The following ATXN7L1 variants were observed in gnomAD, a reference collection of about 807,000 sequenced individuals.
ATXN7L1 encodes the protein ataxin 7 like 1.
In ATXN7L1, 15 loss-of-function variants were observed where a neutral mutation model predicts 70.8. That is an observed-to-expected ratio of 0.21 (90% CI 0.14 to 0.33). The LOEUF (loss-of-function observed/expected upper bound fraction) is 0.33. Among genes scored for constraint, ATXN7L1 ranks in the 10% least tolerant of loss-of-function variants. The pLI, the probability that ATXN7L1 is intolerant of heterozygous loss-of-function variation, is 1.00. For synonymous variants in ATXN7L1, 440 were observed against 445.1 expected (o/e 0.99, Z 0.14); for missense variants, 975 against 1,097.1 (o/e 0.89, Z 1.57).
At chr7:105,788,299 C>T (rs1420318994) in intron 3 of ATXN7L1, 3 of 299,268 alleles carry the variant, frequency 1.0e-5, no homozygotes, top group Non-Finnish European at 1.9e-5. Context: ...CCTTAAGCAG[C>T]TCTCCCCTCC....
chr7:105,840,965 C>T (rs1019644218), intron 2 of ATXN7L1, among the ~76,000 whole-genome samples: 2 of 152,202 alleles, frequency 1.3e-5, no homozygotes, highest in African/African-American at 4.8e-5. Flanking sequence ...TAAGACAATC[C>T]TAATGTCCTT....
intron 2 of ATXN7L1, among the ~76,000 whole-genome samples, chr7:105,820,708 T>G (rs959962765): frequency 6.6e-6 from 1 of 152,198 alleles, no homozygotes; most frequent in Non-Finnish European, 1.5e-5. Context: ...CCAAATCTCA[T>G]GTTGAAATGT....
chr7:105,786,868 A>G (rs558817367), intron 3 of ATXN7L1, among the ~76,000 whole-genome samples: 3 of 152,310 alleles, frequency 2.0e-5, no homozygotes, highest in East Asian at 1.9e-4. Context: ...TTCCGTGCCT[A>G]TAACAGCTGC....
intron 3 of ATXN7L1, among the ~76,000 whole-genome samples, chr7:105,708,200 T>C (rs755357577): frequency 5.9e-5 from 9 of 152,208 alleles, no homozygotes; most frequent in Non-Finnish European, 1.3e-4. Flanking sequence ...GCCTGCGTAC[T>C]GTTCCGTGTC....
chr7:105,631,043 T>G (rs1192752295), intron 7 of ATXN7L1, among the ~76,000 whole-genome samples: 5 of 152,104 alleles, frequency 3.3e-5, no homozygotes. Flanking sequence ...GAGGGTGGAA[T>G]AAAAGAAGGG....
At chr7:105,636,563 T>C (rs1797416756) in intron 7 of ATXN7L1, among the ~76,000 whole-genome samples, 1 of 151,322 alleles carries the variant, frequency 6.6e-6, no homozygotes, top group African/African-American at 2.4e-5. Context: ...TAGATGAACA[T>C]TCCCCTGAAA....
intron 3 of ATXN7L1, among the ~76,000 whole-genome samples, chr7:105,739,226 C>T (rs977341428): frequency 2.0e-5 from 3 of 152,190 alleles, no homozygotes; most frequent in Non-Finnish European, 2.9e-5. Flanking sequence ...ATTAATCACG[C>T]TTTTTGCCAT....
chr7:105,729,736 C>CTTTTTT (rs55774943), intron 3 of ATXN7L1, among the ~76,000 whole-genome samples: 1 of 129,558 alleles, frequency 7.7e-6, no homozygotes. Flanking sequence ...GGCACCACTT[C>CTTTTTT]TTTTTTTTTT....
At chr7:105,670,154 G>A (rs905299762) in intron 3 of ATXN7L1, among the ~76,000 whole-genome samples, 3 of 152,192 alleles carry the variant, frequency 2.0e-5, no homozygotes, top group Non-Finnish European at 2.9e-5. Flanking sequence ...GGCGGGTTAG[G>A]TTAGTGATAG....
At chr7:105,873,134 G>A (rs1050899821) in intron 2 of ATXN7L1, among the ~76,000 whole-genome samples, 3 of 150,060 alleles carry the variant, frequency 2.0e-5, no homozygotes, top group African/African-American at 7.4e-5. Flanking sequence ...AGCCTGGGCG[G>A]CAGAGCAAGA....
At chr7:105,728,902 G>C (rs1191987702) in intron 3 of ATXN7L1, among the ~76,000 whole-genome samples, 1 of 152,098 alleles carries the variant, frequency 6.6e-6, no homozygotes, top group Non-Finnish European at 1.5e-5. Context: ...AAATAAAGTA[G>C]TATTGGATTA....
At position 105,624,241 on chromosome 7, in the gene ATXN7L1, C is replaced by A. The variant is rs748063114; in HGVS notation, c.1229G>T (p.Ser410Ile). 75 of 1,460,296 alleles carry A rather than the reference C, an allele frequency of 5.1e-5. No homozygotes were observed. Among genetic ancestry groups the A allele is most frequent in the Non-Finnish European group, 6.7e-5 (73 of 1,096,330 alleles). The allele number at this position is 1,460,296 out of a possible 1,614,324, so 90.5% of individuals were successfully genotyped here. A position where few individuals can be genotyped will look rare whatever the true frequency, so the allele number is the denominator to read the frequency against. Residue 410 changes from serine (S) to isoleucine (I), a missense_variant, in exon 8 of 12, where the codon AGC (serine) becomes ATC (isoleucine). Physicochemically the swap from Ser to Ile is moderately radical, Grantham distance 142. Transcript: ENST00000419735. ...PRPSSANSIS[S>I]STSSNHSGHT... ...GCCGCTATGATTTGAAGATGTGCTG[C>A]TGCTTATGCTATTTGCAGATGATGG...
chr7:105,761,679 G>T (rs1327178424), intron 3 of ATXN7L1, among the ~76,000 whole-genome samples: 2 of 152,014 alleles, frequency 1.3e-5, no homozygotes, highest in Non-Finnish European at 1.5e-5. Flanking sequence ...ATTTCTCCTA[G>T]TAGAAAGCAG....
At chr7:105,700,260 C>A (rs1164902252) in intron 3 of ATXN7L1, among the ~76,000 whole-genome samples, 2 of 152,104 alleles carry the variant, frequency 1.3e-5, no homozygotes, top group African/African-American at 4.8e-5. Context: ...AATCCCAACA[C>A]TTTGGGAGGC....
intron 4 of ATXN7L1, chr7:105,649,632 T>C: frequency 2.1e-6 from 2 of 939,944 alleles, no homozygotes; most frequent in Admixed American, 6.2e-5. Context: ...CAGGGCCAGC[T>C]GCCCACCTGC....
At chr7:105,656,310 G>A (rs1055354099) in intron 4 of ATXN7L1, among the ~76,000 whole-genome samples, 1 of 152,176 alleles carries the variant, frequency 6.6e-6, no homozygotes, top group South Asian at 2.1e-4. Flanking sequence ...ATTCTTATGT[G>A]GGGACCGAGT....
intron 2 of ATXN7L1, among the ~76,000 whole-genome samples, chr7:105,871,916 A>T (rs1818325454): frequency 6.6e-6 from 1 of 152,194 alleles, no homozygotes; most frequent in Non-Finnish European, 1.5e-5. Context: ...GTATTACAGT[A>T]ATCAAGTTAT....
At chr7:105,874,934 T>G (rs1245031940) in intron 2 of ATXN7L1, among the ~76,000 whole-genome samples, 1 of 152,228 alleles carries the variant, frequency 6.6e-6, no homozygotes, top group Admixed American at 6.5e-5. Context: ...TGTCCCCTTG[T>G]GCCATCTTCC....
At chr7:105,807,495 T>C (rs999565432) in intron 2 of ATXN7L1, among the ~76,000 whole-genome samples, 2 of 152,226 alleles carry the variant, frequency 1.3e-5, no homozygotes, top group African/African-American at 4.8e-5. Context: ...GTTGCAGGAA[T>C]GGCCCCCCAG....
Sources: allele counts gnomAD v4.1 joint callset (sites outside exome capture counted in the v4.1 genomes callset), GRCh38; gene constraint gnomAD v4.1.1; transcripts MANE v1.5; gene names NCBI Gene and HGNC (gene_info 2026-07-23, HGNC 2026-07-21).